CFAP263: variants seen among roughly 807,000 people sequenced by gnomAD.
CFAP263 encodes cilia- and flagella-associated protein 263.
the CFAP263 span, among the ~76,000 whole-genome samples, chr16:58,260,357 C>A: frequency 3.7e-3 from 569 of 152,252 alleles, 3 homozygotes; most frequent in Non-Finnish European, 5.5e-3. Flanking sequence ...CTGATTTGAG[C>A]CTCCCAACCC....
At chr16:58,269,973 G>C in the CFAP263 span, among the ~76,000 whole-genome samples, 4 of 152,074 alleles carry the variant, frequency 2.6e-5, no homozygotes, top group Admixed American at 6.6e-5. Flanking sequence ...TGTATGAGAG[G>C]GTTCCAGTTT....
the CFAP263 span, chr16:58,250,070 T>C: frequency 7.5e-6 from 12 of 1,598,474 alleles, no homozygotes; most frequent in Non-Finnish European, 1.0e-5. Context: ...GGGTCGGAGC[T>C]GGAGCTGCCT....
chr16:58,250,312 G>C, the CFAP263 span: 1 of 522,834 alleles, frequency 1.9e-6, no homozygotes, highest in East Asian at 3.4e-5. Context: ...GGTAGGGCGA[G>C]GGGATGGGGC....
chr16:58,280,895 A>G, the CFAP263 span: 2 of 762,368 alleles, frequency 2.6e-6, no homozygotes, highest in South Asian at 4.4e-5. Flanking sequence ...ATAGGATACA[A>G]TTTCAAATCT....
chr16:58,278,666 A>C, the CFAP263 span: 2 of 1,608,986 alleles, frequency 1.2e-6, no homozygotes, highest in Non-Finnish European at 1.7e-6. Context: ...CAAGATGGGC[A>C]GTCTTTTATG....
the CFAP263 span, among the ~76,000 whole-genome samples, chr16:58,272,564 T>C: frequency 1.3e-5 from 2 of 152,296 alleles, no homozygotes; most frequent in African/African-American, 4.8e-5. Context: ...TCCAAACATA[T>C]CTAAACATAG....
chr16:58,278,699 T>C, the CFAP263 span: 1 of 1,529,882 alleles, frequency 6.5e-7, no homozygotes, highest in Non-Finnish European at 9.0e-7. Context: ...TCACTTAGGA[T>C]TTTGTTCTTT....
chr16:58,277,675 G>A, the CFAP263 span, among the ~76,000 whole-genome samples: 3 of 152,098 alleles, frequency 2.0e-5, no homozygotes, highest in Non-Finnish European at 4.4e-5. Context: ...AGTGTCTATC[G>A]AAGGATGAAT....
the CFAP263 span, among the ~76,000 whole-genome samples, chr16:58,257,449 G>A: frequency 6.6e-6 from 1 of 151,586 alleles, no homozygotes; most frequent in Non-Finnish European, 1.5e-5. Flanking sequence ...AAGAGATGGG[G>A]CCTCACTGCG....
At chr16:58,268,366 C>G in the CFAP263 span, among the ~76,000 whole-genome samples, 65 of 152,204 alleles carry the variant, frequency 4.3e-4, 3 homozygotes, top group Non-Finnish European at 1.5e-5. Context: ...GAGTGCTGGA[C>G]TCATGACCAG....
At chr16:58,255,135 G>A in the CFAP263 span, among the ~76,000 whole-genome samples, 4 of 152,216 alleles carry the variant, frequency 2.6e-5, no homozygotes, top group Non-Finnish European at 5.9e-5. Flanking sequence ...TTCAAAACCA[G>A]GGAAGCCAAT....
At chr16:58,266,405 ATTTTTTTTTTTTTTT>A in the CFAP263 span, among the ~76,000 whole-genome samples, 2 of 31,430 alleles carry the variant, frequency 6.4e-5, no homozygotes, top group African/African-American at 2.3e-4. Context: ...ATATATATAT[ATTTTTTTTTTTTTTT>A]TTTTTTTTTT....
At chr16:58,268,004 AAGAG>A in the CFAP263 span, among the ~76,000 whole-genome samples, 2 of 149,826 alleles carry the variant, frequency 1.3e-5, no homozygotes, top group South Asian at 2.1e-4. Flanking sequence ...AGAGAGAGGA[AAGAG>A]AGAGAGAAAG....
At chr16:58,262,804 T>TAGATAGGTAGATAGATAGATAGAC in the CFAP263 span, among the ~76,000 whole-genome samples, 18 of 151,304 alleles carry the variant, frequency 1.2e-4, no homozygotes, top group Non-Finnish European at 2.4e-4. Flanking sequence ...GATAGATAGA[T>TAGATAGGTAGATAGATAGATAGAC]AGACAGATGC....
At chr16:58,263,044 T>G in the CFAP263 span, among the ~76,000 whole-genome samples, 1 of 152,188 alleles carries the variant, frequency 6.6e-6, no homozygotes, top group African/African-American at 2.4e-5. Context: ...CTAAATAATT[T>G]ATCATCCAAA....
the CFAP263 span, among the ~76,000 whole-genome samples, chr16:58,273,395 C>T: frequency 6.6e-6 from 1 of 152,010 alleles, no homozygotes; most frequent in Admixed American, 6.5e-5. Flanking sequence ...CTCTGCCCCT[C>T]AATCTACATA....
At chr16:58,279,878 G>A in the CFAP263 span, 2 of 954,358 alleles carry the variant, frequency 2.1e-6, no homozygotes, top group South Asian at 3.1e-5. Context: ...TCTGCCTGGT[G>A]TTCCCAACCC....
At chr16:58,266,569 G>A in the CFAP263 span, among the ~76,000 whole-genome samples, 58 of 151,994 alleles carry the variant, frequency 3.8e-4, no homozygotes, top group African/African-American at 1.4e-3. Context: ...TGGTGGCAGA[G>A]CCTAGTTTGC....
chr16:58,258,262 A>G, the CFAP263 span: 1 of 913,690 alleles, frequency 1.1e-6, no homozygotes, highest in South Asian at 1.7e-5. Context: ...AAGAAGAAAC[A>G]TAATATTTTG....
Sources: gnomAD v4.1 joint callset for allele counts (sites outside exome capture counted in the v4.1 genomes callset) on GRCh38, gnomAD v4.1.1 for gene constraint, MANE v1.5 for transcripts, NCBI Gene and HGNC (gene_info 2026-07-23, HGNC 2026-07-21) for gene names.